Variants in CCSER1 observed in about 807,000 individuals in gnomAD.
CCSER1 encodes the protein serine-rich coiled-coil domain-containing protein 1.
In CCSER1, 41 loss-of-function variants were observed where a neutral mutation model predicts 82.0. The observed-to-expected ratio is 0.50, with a 90% CI of 0.39 to 0.65. The LOEUF (loss-of-function observed/expected upper bound fraction) is 0.65, where lower values mean the gene tolerates loss of function less well. CCSER1 is among the 30% of genes least tolerant of loss of function. The probability of loss-of-function intolerance (pLI) is 0.00; values close to 1 mark genes in which losing one functional copy is unlikely to be tolerated. For missense variants in CCSER1, 1,119 were observed against 1,064.2 expected (o/e 1.05, Z -0.72); for synonymous variants, 414 against 383.9 (o/e 1.08, Z -0.92).
intron 3 of CCSER1, among the ~76,000 whole-genome samples, chr4:90,393,776 T>C (rs1751544983): frequency 7.0e-6 from 1 of 143,136 alleles, no homozygotes; most frequent in South Asian, 2.2e-4. Context: ...ATCTTCCTTT[T>C]TTTTTTTTTT....
intron 3 of CCSER1, among the ~76,000 whole-genome samples, chr4:90,330,709 G>T (rs1481877928): frequency 1.3e-5 from 2 of 152,180 alleles, no homozygotes; most frequent in African/African-American, 4.8e-5. Context: ...CATAACAAAA[G>T]AAGTTGGGAT....
At chr4:90,166,688 G>A (rs1011432360) in intron 1 of CCSER1, among the ~76,000 whole-genome samples, 1 of 151,888 alleles carries the variant, frequency 6.6e-6, no homozygotes, top group African/African-American at 2.4e-5. Flanking sequence ...AGCAAAAACA[G>A]ATCTAAGGCA....
intron 5 of CCSER1, among the ~76,000 whole-genome samples, chr4:90,594,893 A>G (rs1783140125): frequency 6.6e-6 from 1 of 152,044 alleles, no homozygotes; most frequent in Non-Finnish European, 1.5e-5. Context: ...GAAAGCAACA[A>G]AAACTCTTTC....
intron 7 of CCSER1, among the ~76,000 whole-genome samples, chr4:90,762,944 C>T (rs1045318366): frequency 6.6e-6 from 1 of 151,830 alleles, no homozygotes; most frequent in Admixed American, 6.6e-5. Flanking sequence ...GAAGAGGAGA[C>T]AGTGTGACAA....
At chr4:90,403,423 C>T (rs555281190) in intron 4 of CCSER1, among the ~76,000 whole-genome samples, 100 of 140,866 alleles carry the variant, frequency 7.1e-4, no homozygotes, top group East Asian at 6.8e-4. Context: ...GGCGTGAACC[C>T]GGGAGGCGGA....
At chr4:90,320,507 T>A (rs1223464200) in intron 3 of CCSER1, among the ~76,000 whole-genome samples, 1 of 152,162 alleles carries the variant, frequency 6.6e-6, no homozygotes, top group Non-Finnish European at 1.5e-5. Context: ...GTTTCTAGGA[T>A]TATATGAGTA....
At chr4:91,241,527 T>A (rs1398708624) in intron 10 of CCSER1, among the ~76,000 whole-genome samples, 1 of 147,840 alleles carries the variant, frequency 6.8e-6, no homozygotes, top group Non-Finnish European at 1.5e-5. Flanking sequence ...GGGGTTTCCC[T>A]GTGTTAGCCA....
chr4:90,383,260 A>G (rs986272802), intron 3 of CCSER1, among the ~76,000 whole-genome samples: 14 of 152,186 alleles, frequency 9.2e-5, no homozygotes, highest in Non-Finnish European at 1.8e-4. Flanking sequence ...TAAAAAAAAC[A>G]TTTTGAAACA....
At chr4:90,206,890 A>T (rs1738952140) in intron 1 of CCSER1, among the ~76,000 whole-genome samples, 2 of 151,918 alleles carry the variant, frequency 1.3e-5, no homozygotes, top group African/African-American at 4.8e-5. Flanking sequence ...TATATTTAGG[A>T]TAGTTAGCTT....
chr4:90,334,363 T>C (rs1739969707), intron 3 of CCSER1, among the ~76,000 whole-genome samples: 1 of 152,078 alleles, frequency 6.6e-6, no homozygotes, highest in Non-Finnish European at 1.5e-5. Context: ...ATAGGCCTTC[T>C]GGAATCATCA....
intron 5 of CCSER1, among the ~76,000 whole-genome samples, chr4:90,604,446 A>AATT (rs1221186758): frequency 6.6e-6 from 1 of 152,208 alleles, no homozygotes; most frequent in African/African-American, 2.4e-5. Context: ...CAGCTCTTTA[A>AATT]ATTTAGTCTC....
chr4:90,293,114 A>G (rs1314514064), intron 1 of CCSER1, among the ~76,000 whole-genome samples: 2 of 151,906 alleles, frequency 1.3e-5, no homozygotes, highest in Non-Finnish European at 2.9e-5. Context: ...ATAAAATGTT[A>G]CCATCTTTAT....
At chr4:90,772,279 G>A (rs529041514) in intron 7 of CCSER1, among the ~76,000 whole-genome samples, 1 of 152,086 alleles carries the variant, frequency 6.6e-6, no homozygotes, top group Admixed American at 6.5e-5. Flanking sequence ...AATATATTAT[G>A]ACAATCATGT....
At chr4:91,543,801 G>A (rs537983271) in intron 10 of CCSER1, among the ~76,000 whole-genome samples, 91 of 152,254 alleles carry the variant, frequency 6.0e-4, no homozygotes, top group African/African-American at 2.2e-3. Flanking sequence ...TTCTCGAGGA[G>A]TATCTTTGTG....
At chr4:91,061,935 G>A (rs1314170957) in intron 9 of CCSER1, among the ~76,000 whole-genome samples, 1 of 151,658 alleles carries the variant, frequency 6.6e-6, no homozygotes, top group African/African-American at 2.4e-5. Context: ...TAGGTGGGGT[G>A]GTAACTCCAA....
At chr4:90,185,394 T>C (rs1734438317) in intron 1 of CCSER1, among the ~76,000 whole-genome samples, 1 of 152,026 alleles carries the variant, frequency 6.6e-6, no homozygotes, top group Non-Finnish European at 1.5e-5. Context: ...AAGGCAGACA[T>C]GAGAAACATG....
intron 9 of CCSER1, among the ~76,000 whole-genome samples, chr4:90,974,583 A>G (rs935101612): frequency 6.6e-6 from 1 of 151,558 alleles, no homozygotes; most frequent in Admixed American, 6.6e-5. Flanking sequence ...TCTAAATAAG[A>G]TACACAAATT....
rs368132222 is a variant in CCSER1 at position 90,386,306 on chromosome 4, G to C, written c.1510-13730G>C. Among the ~76,000 whole-genome samples, 4 of 152,162 alleles carry C rather than the reference G, an allele frequency of 2.6e-5. No individual in the cohort carries two copies. In the East Asian group the frequency reaches 7.7e-4, roughly 29 times the overall value. ...TATGGTACTGGTATAAAGCAGATAC[G>C]TACACAAATTGAACAGAATAGAGAA... On this transcript the variant is annotated intron_variant, in intron 3 of 10. Coordinates refer to ENST00000509176, the MANE Select transcript of CCSER1 (RefSeq NM_001145065.2).
chr4:91,401,413 T>C (rs564893202), intron 10 of CCSER1, among the ~76,000 whole-genome samples: 77 of 149,618 alleles, frequency 5.1e-4, no homozygotes, highest in African/African-American at 1.8e-3. Flanking sequence ...ACTTTTTTTA[T>C]TATACTTTAA....
Sources: allele counts gnomAD v4.1 joint callset (sites outside exome capture counted in the v4.1 genomes callset), GRCh38; gene constraint gnomAD v4.1.1; transcripts MANE v1.5; gene names NCBI Gene and HGNC (gene_info 2026-07-23, HGNC 2026-07-21).